The following PARVB variants were observed in gnomAD, a reference collection of about 807,000 sequenced individuals.
The protein encoded by PARVB is beta-parvin.
A neutral mutation model predicts 47.0 loss-of-function variants in PARVB; 46 were observed. That is an observed-to-expected ratio of 0.98 (90% confidence interval 0.77 to 1.25). PARVB has a LOEUF of 1.25. Ranked by LOEUF, PARVB falls within the 50% of genes most tolerant of loss-of-function variation. The pLI, the probability that PARVB is intolerant of heterozygous loss-of-function variation, is 0.00. For synonymous variants in PARVB, 196 were observed against 196.3 expected, an observed-to-expected ratio of 1.00 and a Z score of 0.01; for missense variants, 473 against 471.6, an observed-to-expected ratio of 1.00 and a Z score of -0.03.
intron 1 of PARVB, among the ~76,000 whole-genome samples, chr22:44,070,999 C>T (rs1428482922): frequency 2.0e-5 from 3 of 146,840 alleles, no homozygotes; most frequent in African/African-American, 5.4e-5. Flanking sequence ...GGCCCCTGCC[C>T]GCCCGCCTTG....
intron 1 of PARVB, among the ~76,000 whole-genome samples, chr22:44,051,662 C>G (rs1284304872): frequency 6.6e-6 from 1 of 152,088 alleles, no homozygotes; most frequent in African/African-American, 2.4e-5. Context: ...TGCAGAAGTG[C>G]AGGAAGGGAC....
intron 9 of PARVB, chr22:44,148,981 C>G (rs1216506521): frequency 6.6e-6 from 1 of 152,214 alleles, no homozygotes; most frequent in African/African-American, 2.4e-5. Flanking sequence ...CACCTCGTCA[C>G]ATGTGGCCCC....
intron 1 of PARVB, among the ~76,000 whole-genome samples, chr22:44,085,200 C>G (rs1050694755): frequency 2.7e-4 from 41 of 152,322 alleles, no homozygotes; most frequent in African/African-American, 9.9e-4. Flanking sequence ...AACCCCTGGG[C>G]TCGAGTGATC....
chr22:44,019,823 G>A (rs1181120910), upstream of PARVB, among the ~76,000 whole-genome samples: 1 of 152,122 alleles, frequency 6.6e-6, no homozygotes, highest in African/African-American at 2.4e-5. Flanking sequence ...TCCCAACACG[G>A]GATTGAATTT....
chr22:44,016,692 T>G (rs2050586859), intron 2 of PARVB, among the ~76,000 whole-genome samples: 1 of 152,188 alleles, frequency 6.6e-6, no homozygotes, highest in Non-Finnish European at 1.5e-5. Context: ...AGGGTCTTTT[T>G]TCCCCTGGGG....
At chr22:44,152,561 C>T (rs780735123) in intron 10 of PARVB, 5 of 152,284 alleles carry the variant, frequency 3.3e-5, no homozygotes, top group Non-Finnish European at 7.3e-5. Flanking sequence ...CCTTCAGCCT[C>T]TGCTCAGTGC....
At chr22:44,099,936 C>T (rs528654114) in intron 2 of PARVB, 117 bp from the exon 3 acceptor site, 7 of 808,124 alleles carry the variant, frequency 8.7e-6, no homozygotes, top group Admixed American at 5.8e-5. Context: ...GTCACCCTCC[C>T]CTAGTGCTGG....
chr22:44,127,365 T>G (rs2053209725), intron 4 of PARVB, among the ~76,000 whole-genome samples: 2 of 152,166 alleles, frequency 1.3e-5, no homozygotes, highest in Admixed American at 1.3e-4. Flanking sequence ...AATGACATAA[T>G]ATACTGTTGA....
intron 2 of PARVB, chr22:43,999,736 G>A (rs543968858): frequency 2.8e-6 from 3 of 1,087,528 alleles, no homozygotes; most frequent in South Asian, 1.3e-5. Flanking sequence ...GCTCATGCCT[G>A]TAACCCTAGC....
chr22:44,081,491 G>A lies in PARVB; in HGVS notation c.113-12437G>A, dbSNP rs375080726. The A allele has an allele frequency of 1.1e-3, 470 of 441,544 alleles. 2 individuals carry two copies. The highest frequency in any genetic ancestry group is 8.3e-3 in the African/African-American group (388 of 46,946). The allele number at this position is 441,544 out of a possible 1,614,324, so 27.4% of individuals were successfully genotyped here. ...TCTTCTTATTTTCTCAGCAGACAACGCTTTGGACTTCCCTGGATACATTGG... is the reference window on the plus strand; with the variant it reads ...TCTTCTTATTTTCTCAGCAGACAACACTTTGGACTTCCCTGGATACATTGG... On this transcript the variant is annotated intron_variant, in intron 1 of 12. Transcript: ENST00000338758.
chr22:44,030,269 G>T (rs529460484), intron 1 of PARVB, among the ~76,000 whole-genome samples: 28 of 152,386 alleles, frequency 1.8e-4, no homozygotes, highest in African/African-American at 6.3e-4. Flanking sequence ...CAGATGGGGG[G>T]ACTGAGCCAT....
At chr22:44,096,727 A>C (rs2052316527) in intron 2 of PARVB, among the ~76,000 whole-genome samples, 2 of 152,162 alleles carry the variant, frequency 1.3e-5, no homozygotes, top group Admixed American at 1.3e-4. Flanking sequence ...CTCAGTGAAG[A>C]TGGTGGCCCT....
At chr22:44,100,195 T>G in intron 3 of PARVB, 72 bp downstream of exon 3, 1 of 1,213,796 alleles carries the variant, frequency 8.2e-7, no homozygotes, top group Non-Finnish European at 1.2e-6. Context: ...AGGGCTCTCA[T>G]GGACAAAGGG....
chr22:44,004,022 TC>T (rs888876713), intron 2 of PARVB, among the ~76,000 whole-genome samples: 1 of 152,262 alleles, frequency 6.6e-6, no homozygotes, highest in Non-Finnish European at 1.5e-5. Context: ...TGCTGGCCCT[TC>T]CCCACTCTTG....
chr22:44,136,670 A>C, intron 7 of PARVB, 152 bp downstream of exon 7: 1 of 665,200 alleles, frequency 1.5e-6, no homozygotes, highest in South Asian at 1.7e-5. Flanking sequence ...GCTGGTTCCC[A>C]CCCCAGCTCT....
At chr22:44,003,539 G>A (rs187111155) in intron 2 of PARVB, among the ~76,000 whole-genome samples, 10 of 152,288 alleles carry the variant, frequency 6.6e-5, no homozygotes, top group Admixed American at 3.9e-4. Flanking sequence ...CTGTTATAAT[G>A]TGCTGCGGCA....
chr22:44,052,500 G>A (rs368083781), intron 1 of PARVB, among the ~76,000 whole-genome samples: 13 of 152,200 alleles, frequency 8.5e-5, no homozygotes, highest in African/African-American at 3.1e-4. Flanking sequence ...GAGCAACTGC[G>A]ATCTCTTTCT....
chr22:44,034,072 AAT>A lies in PARVB; in HGVS notation c.112+9636_112+9637del, dbSNP rs141630951. On this transcript the variant is annotated intron_variant, in intron 1 of 12. Transcript: ENST00000338758. ...TTTTTGCTATAAATGGAATTTGAAG[AAT>A]ATATATATATATATGAACATACAAA... 4.2e-4 allele frequency among the ~76,000 whole-genome samples: 63 copies of A among 148,900 alleles called. 1 individual carries two copies. Among genetic ancestry groups the A allele is most frequent in the South Asian group, 2.7e-3 (13 of 4,730 alleles).
intron 12 of PARVB, among the ~76,000 whole-genome samples, chr22:44,167,732 CAG>C (rs564459126): frequency 1.4e-5 from 1 of 69,826 alleles, no homozygotes; most frequent in Non-Finnish European, 3.3e-5. Context: ...AGTTCCCCGA[CAG>C]AGCCCCGGGT....
Sources: gnomAD v4.1 joint callset for allele counts (sites outside exome capture counted in the v4.1 genomes callset) on GRCh38, gnomAD v4.1.1 for gene constraint, MANE v1.5 for transcripts, NCBI Gene and HGNC (gene_info 2026-07-23, HGNC 2026-07-21) for gene names.